Variants in CAMTA1 observed in about 807,000 individuals in gnomAD.
CAMTA1 encodes calmodulin binding transcription activator 1.
A neutral mutation model predicts 170.9 loss-of-function variants in CAMTA1; 27 were observed. That is an observed-to-expected ratio of 0.16 (90% CI 0.12 to 0.22). The LOEUF is 0.22. Among genes scored for constraint, CAMTA1 ranks in the 10% least tolerant of loss-of-function variants. The pLI is 1.00. For synonymous variants in CAMTA1, 833 were observed against 891.5 expected (o/e 0.93, Z 1.17); for missense variants, 1,619 against 2,217.2 (o/e 0.73, Z 5.42).
At chr1:7,389,380 T>C in intron 5 of CAMTA1, 1 of 152,646 alleles carries the variant, frequency 6.6e-6, no homozygotes, top group East Asian at 1.9e-4. Flanking sequence ...GTTCTTGATG[T>C]CACACACGTC....
At chr1:7,705,260 C>G (rs75630480) in intron 11 of CAMTA1, among the ~76,000 whole-genome samples, 24,852 of 149,030 alleles carry the variant, frequency 0.17, 2,281 homozygotes, top group South Asian at 0.28. Context: ...TGCGTTTGGC[C>G]GAGGAGTGGG....
intron 1 of CAMTA1, among the ~76,000 whole-genome samples, chr1:6,788,351 C>T (rs1557541269): frequency 6.6e-6 from 1 of 152,146 alleles, no homozygotes. Context: ...CTCGCTTTGC[C>T]TCAGTTTACT....
chr1:7,730,077 G>A (rs536594976), intron 11 of CAMTA1, among the ~76,000 whole-genome samples: 1 of 152,342 alleles, frequency 6.6e-6, no homozygotes, highest in Admixed American at 6.5e-5. Flanking sequence ...GATGGTGATG[G>A]CAAGCATGCT....
intron 4 of CAMTA1, among the ~76,000 whole-genome samples, chr1:7,119,308 C>A (rs1644510591): frequency 1.3e-5 from 2 of 152,140 alleles, no homozygotes; most frequent in South Asian, 4.1e-4. Flanking sequence ...CCCAGATGAA[C>A]ACCAGTGCAG....
chr1:7,556,613 C>A (rs996272846), intron 6 of CAMTA1, among the ~76,000 whole-genome samples: 4 of 152,160 alleles, frequency 2.6e-5, no homozygotes, highest in African/African-American at 4.8e-5. Flanking sequence ...TGCTCTCAAA[C>A]CCCATCTCAA....
intron 3 of CAMTA1, among the ~76,000 whole-genome samples, chr1:7,033,541 A>G (rs1703094762): frequency 6.7e-6 from 1 of 150,260 alleles, no homozygotes; most frequent in Non-Finnish European, 1.5e-5. Context: ...AGACATTATG[A>G]ATTTATCATA....
chr1:7,376,183 A>G (rs926801720), intron 5 of CAMTA1, among the ~76,000 whole-genome samples: 4 of 152,252 alleles, frequency 2.6e-5, no homozygotes. Context: ...ATGAATAGTA[A>G]GAAGGCAGCT....
chr1:7,543,821 C>A (rs886430719), intron 6 of CAMTA1, among the ~76,000 whole-genome samples: 1 of 145,064 alleles, frequency 6.9e-6, no homozygotes, highest in Non-Finnish European at 1.5e-5. Context: ...TAAATGAGTG[C>A]TGGCAGCGAG....
intron 5 of CAMTA1, among the ~76,000 whole-genome samples, chr1:7,434,337 A>G (rs573290697): frequency 2.3e-4 from 35 of 152,324 alleles, no homozygotes; most frequent in African/African-American, 8.4e-4. Context: ...CGAACACTGC[A>G]CAGACGCTGG....
rs1402186292 is a variant in CAMTA1, at chr1:7,755,726, T to A, written c.4989+58T>A. 3.4e-6 allele frequency: 5 copies of A among 1,480,158 alleles called. 1 individual carries two copies. The highest frequency in any genetic ancestry group is 4.7e-6 in the Non-Finnish European group (5 of 1,058,092). The allele number at this position is 1,480,158 out of a possible 1,614,324, so 91.7% of individuals were successfully genotyped here. On this transcript the variant is annotated intron_variant, in intron 22 of 22. Coordinates refer to ENST00000303635, the MANE Select transcript of CAMTA1 (RefSeq NM_015215.4). ...TCTCTTCCATTTTCAGTATTTTGCT[T>A]TTTGCTTGCTTGCATGAGGCTGCAG... is the stretch of plus-strand genomic sequence containing the variant.
intron 4 of CAMTA1, among the ~76,000 whole-genome samples, chr1:7,244,043 A>G (rs922168497): frequency 7.9e-5 from 12 of 152,374 alleles, no homozygotes; most frequent in African/African-American, 2.9e-4. Context: ...CAAATTTACA[A>G]GAAAAAAACA....
intron 5 of CAMTA1, among the ~76,000 whole-genome samples, chr1:7,354,804 T>C (rs1211185408): frequency 6.6e-6 from 1 of 152,208 alleles, no homozygotes; most frequent in Non-Finnish European, 1.5e-5. Context: ...GATGTGCGTT[T>C]TTCTGATGAT....
intron 4 of CAMTA1, among the ~76,000 whole-genome samples, chr1:7,189,077 G>A (rs1299360749): frequency 1.3e-5 from 2 of 152,156 alleles, no homozygotes; most frequent in Non-Finnish European, 1.5e-5. Flanking sequence ...CAAAGCTGGT[G>A]TCTGTTCTCT....
intron 1 of CAMTA1, among the ~76,000 whole-genome samples, chr1:6,795,328 C>T (rs1642228647): frequency 6.6e-6 from 1 of 151,862 alleles, no homozygotes; most frequent in Admixed American, 6.6e-5. Context: ...ACTGGGACTA[C>T]AGGTGTGTGT....
At chr1:7,088,178 T>C (rs1047280095) in intron 3 of CAMTA1, among the ~76,000 whole-genome samples, 17 of 152,316 alleles carry the variant, frequency 1.1e-4, no homozygotes, top group African/African-American at 4.1e-4. Context: ...CCTGGGCCTG[T>C]GCATCAGCTT....
At chr1:7,068,902 T>C (rs991471678) in intron 3 of CAMTA1, among the ~76,000 whole-genome samples, 1 of 152,172 alleles carries the variant, frequency 6.6e-6, no homozygotes, top group Admixed American at 6.5e-5. Flanking sequence ...GTGCAGATAA[T>C]TGACAGTGGA....
At chr1:7,620,376 G>T (rs183240099) in intron 6 of CAMTA1, among the ~76,000 whole-genome samples, 1 of 152,298 alleles carries the variant, frequency 6.6e-6, no homozygotes, top group African/African-American at 2.4e-5. Flanking sequence ...CCTCATGGAA[G>T]CCTGGCTTTC....
At chr1:7,569,415 A>ATC (rs2150325041) in intron 6 of CAMTA1, among the ~76,000 whole-genome samples, 1 of 149,518 alleles carries the variant, frequency 6.7e-6, no homozygotes, top group East Asian at 2.0e-4. Context: ...CATCATCATC[A>ATC]TCATCACTAC....
At chr1:7,262,343 C>T (rs1439909161) in intron 5 of CAMTA1, among the ~76,000 whole-genome samples, 5 of 152,066 alleles carry the variant, frequency 3.3e-5, no homozygotes, top group Admixed American at 3.3e-4. Context: ...GGGCGGATCA[C>T]CTGAGGTCAG....
Sources: gnomAD v4.1 joint callset for allele counts (sites outside exome capture counted in the v4.1 genomes callset) on GRCh38, gnomAD v4.1.1 for gene constraint, MANE v1.5 for transcripts, NCBI Gene and HGNC (gene_info 2026-07-23, HGNC 2026-07-21) for gene names.